The following SEC14L5 variants were observed in gnomAD, a reference collection of about 807,000 sequenced individuals.
The protein encoded by SEC14L5 is SEC14-like protein 5.
SEC14L5 carries 96 observed loss-of-function variants against 84.6 expected under a neutral mutation model. The ratio of observed to expected loss-of-function variants is 1.13; its 90% CI spans 0.96 to 1.34. The LOEUF (loss-of-function observed/expected upper bound fraction) is 1.34. Among genes scored for constraint, SEC14L5 ranks in the 40% most tolerant of loss-of-function variants. The pLI is 0.00. For synonymous variants in SEC14L5, 546 were observed against 383.4 expected (o/e 1.42, Z -4.95); for missense variants, 1,224 against 942.5 (o/e 1.30, Z -3.91).
Position 5,008,359 on chromosome 16 carries a change from G to A in SEC14L5, c.1573-62G>A, listed in dbSNP as rs200006058. ...CACCCACAGCCCCTCCTGCCACTGT[G>A]TTCCCCACCCCAGCTCTACTCTCTC... On this transcript the variant is annotated intron_variant, in intron 13 of 15. Coordinates refer to ENST00000251170, the MANE Select transcript of SEC14L5 (RefSeq NM_014692.2). 1.4e-3 allele frequency: 1,793 copies of A among 1,260,448 alleles called. 1 individual carries two copies. The highest frequency in any genetic ancestry group is 1.5e-3 in the Non-Finnish European group (1,290 of 882,836). 78.1% of individuals were successfully genotyped at this position (1,260,448 alleles called of 1,614,324 possible).
chr16:5,002,024 C>A (rs1955683292), intron 10 of SEC14L5, among the ~76,000 whole-genome samples: 1 of 152,220 alleles, frequency 6.6e-6, no homozygotes, highest in Non-Finnish European at 1.5e-5. Flanking sequence ...CCCACCTTGG[C>A]CTTCCAAAGG....
chr16:4,995,750 C>G (rs1955601880), intron 6 of SEC14L5, among the ~76,000 whole-genome samples: 1 of 151,826 alleles, frequency 6.6e-6, no homozygotes, highest in African/African-American at 2.4e-5. Flanking sequence ...ACTCAGCCTC[C>G]TGAGTAGCTG....
intron 6 of SEC14L5, 37 bp downstream of exon 6, chr16:4,992,067 G>C: frequency 7.3e-7 from 1 of 1,376,514 alleles, no homozygotes; most frequent in Non-Finnish European, 9.7e-7. Flanking sequence ...GCCCTAGGAG[G>C]CTGCTGCAGG....
chr16:5,009,386 T>C (rs759502894), intron 14 of SEC14L5, among the ~76,000 whole-genome samples: 1 of 152,142 alleles, frequency 6.6e-6, no homozygotes, highest in South Asian at 2.1e-4. Flanking sequence ...TGTAGTGATA[T>C]GATCACAGCT....
At chr16:4,993,970 T>C (rs572785082) in intron 6 of SEC14L5, among the ~76,000 whole-genome samples, 1 of 151,548 alleles carries the variant, frequency 6.6e-6, no homozygotes, top group South Asian at 2.1e-4. Flanking sequence ...GTTTTCCTTT[T>C]TTTTTTTTTT....
chr16:5,007,291 G>A, intron 12 of SEC14L5, 61 bp from the exon 13 acceptor site: 1 of 1,546,360 alleles, frequency 6.5e-7, no homozygotes, highest in Non-Finnish European at 8.8e-7. Flanking sequence ...ACCCTTCTGT[G>A]GGTCAGGCCA....
chr16:4,987,407 T>G, intron 2 of SEC14L5, 150 bp from the exon 3 acceptor site: 1 of 599,590 alleles, frequency 1.7e-6, no homozygotes, highest in Non-Finnish European at 2.8e-6. Flanking sequence ...GGAACGATTG[T>G]TGGTAATGAC....
chr16:4,987,497 T>TG (rs549895041), intron 2 of SEC14L5, 60 bp from the exon 3 acceptor site: 298,941 of 1,132,658 alleles, frequency 0.26, 11,633 homozygotes, highest in African/African-American at 0.36. Flanking sequence ...GAGGTCGCGC[T>TG]GGGGGGGGGG....
At chr16:4,989,268 C>T (rs1955526866) in intron 4 of SEC14L5, among the ~76,000 whole-genome samples, 1 of 151,726 alleles carries the variant, frequency 6.6e-6, no homozygotes, top group Admixed American at 6.6e-5. Context: ...GATGATAACT[C>T]CAGGATAGCA....
Position 5,016,385 on chromosome 16 carries a change from T to G in SEC14L5, c.*1415T>G, listed in dbSNP as rs540472003. On this transcript the variant is annotated 3_prime_UTR_variant, in exon 16 of 16. Coordinates refer to ENST00000251170, the MANE Select transcript of SEC14L5 (RefSeq NM_014692.2). ...TTTGCCTTTAGAATGGTTTAAAAATTGAGGCATTTCGCATCGAAATCAGGA... is the reference window on the plus strand; with the variant it reads ...TTTGCCTTTAGAATGGTTTAAAAATGGAGGCATTTCGCATCGAAATCAGGA... The G allele has an allele frequency of 6.6e-6, 1 of 152,288 alleles. No individual in the cohort carries two copies. Among genetic ancestry groups the G allele is most frequent in the African/African-American group, 2.4e-5 (1 of 41,566 alleles). 9.4% of individuals were successfully genotyped at this position (152,288 alleles called of 1,614,324 possible).
Position 4,985,101 on chromosome 16 carries a change from T to C in SEC14L5, c.64-2456T>C, listed in dbSNP as rs148934001. On this transcript the variant is annotated intron_variant, in intron 2 of 15. Coordinates refer to ENST00000251170, the MANE Select transcript of SEC14L5 (RefSeq NM_014692.2). ...AGTTTATTTTTTCTTTTATTGTTTG[T>C]GCTTTTGATGCCATAAGTAAAAAAC... Among the ~76,000 whole-genome samples the C allele has an allele frequency of 1.7e-3, 257 of 152,346 alleles. 1 individual carries two copies. The highest frequency in any genetic ancestry group is 5.6e-3 in the African/African-American group (233 of 41,594).
intron 2 of SEC14L5, among the ~76,000 whole-genome samples, chr16:4,966,676 G>C (rs952130122): frequency 5.9e-5 from 9 of 152,124 alleles, no homozygotes; most frequent in African/African-American, 2.2e-4. Flanking sequence ...ACTAAGGAGA[G>C]GCTTATCCAG....
chr16:5,005,238 C>A (rs920112562), intron 11 of SEC14L5, among the ~76,000 whole-genome samples: 2 of 151,604 alleles, frequency 1.3e-5, no homozygotes, highest in Admixed American at 1.3e-4. Context: ...TCACTTGAAC[C>A]TGGGAGGTGC....
intron 8 of SEC14L5, among the ~76,000 whole-genome samples, chr16:4,999,794 A>G (rs1955655288): frequency 6.6e-6 from 1 of 150,594 alleles, no homozygotes; most frequent in South Asian, 2.1e-4. Context: ...GCATGCCGGT[A>G]GTCCCAGCTA....
intron 15 of SEC14L5, 125 bp downstream of exon 15, chr16:5,011,398 A>G (rs1025960493): frequency 1.9e-5 from 18 of 937,774 alleles, no homozygotes; most frequent in Middle Eastern, 2.9e-4. Flanking sequence ...CAGCATGGGT[A>G]TGGTTGGAGT....
At chr16:4,971,703 A>T (rs900994380) in intron 2 of SEC14L5, among the ~76,000 whole-genome samples, 1 of 150,514 alleles carries the variant, frequency 6.6e-6, no homozygotes, top group African/African-American at 2.4e-5. Flanking sequence ...AGGTCCACTC[A>T]CTCTGAGACT....
chr16:4,964,919 T>A (rs571062376), intron 2 of SEC14L5, among the ~76,000 whole-genome samples: 4 of 151,988 alleles, frequency 2.6e-5, no homozygotes, highest in Admixed American at 6.6e-5. Flanking sequence ...TTAGTAGACA[T>A]GGGGTTTCAC....
At chr16:4,995,139 C>T (rs1955595771) in intron 6 of SEC14L5, among the ~76,000 whole-genome samples, 1 of 152,220 alleles carries the variant, frequency 6.6e-6, no homozygotes, top group South Asian at 2.1e-4. Context: ...GGGGGTGCTG[C>T]TGGCCGTTCA....
chr16:5,001,303 G>T (rs1232069063), intron 10 of SEC14L5, among the ~76,000 whole-genome samples: 2 of 147,580 alleles, frequency 1.4e-5, no homozygotes, highest in Non-Finnish European at 3.0e-5. Context: ...CTGTCGCCCA[G>T]GCTGGAGTGC....
Sources: allele counts gnomAD v4.1 joint callset (sites outside exome capture counted in the v4.1 genomes callset), GRCh38; gene constraint gnomAD v4.1.1; transcripts MANE v1.5; gene names NCBI Gene and HGNC (gene_info 2026-07-23, HGNC 2026-07-21).